The following ATG5 variants were observed in gnomAD, a reference collection of about 807,000 sequenced individuals.
The protein encoded by ATG5 is autophagy related 5.
In ATG5, 14 loss-of-function variants were observed where a neutral mutation model predicts 36.5. The observed-to-expected ratio is 0.38, with a 90% confidence interval of 0.25 to 0.60. ATG5 has a LOEUF of 0.60. Among genes scored for constraint, ATG5 ranks in the 20% least tolerant of loss-of-function variants. ATG5 has a pLI of 0.60. For missense variants in ATG5, 195 were observed against 326.7 expected, an observed-to-expected ratio of 0.60 and a Z score of 3.11; for synonymous variants, 95 against 101.5, an observed-to-expected ratio of 0.94 and a Z score of 0.38.
At position 106,186,392 on chromosome 6, in the gene ATG5, C is replaced by T. The variant is rs977759554; in HGVS notation, c.*148G>A. 3 of 926,156 alleles carry T rather than the reference C, an allele frequency of 3.2e-6. No homozygotes were observed. The highest frequency in any genetic ancestry group is 4.8e-6 in the Non-Finnish European group (3 of 620,916). 57.4% of individuals were successfully genotyped at this position (926,156 alleles called of 1,614,324 possible). On this transcript the variant is annotated 3_prime_UTR_variant, in exon 8 of 8. Transcript: ENST00000369076. ...AGTAAGACCAGCCCAGTTGCCTTATCTGACATGGAATCTTTTTCCTGTCTG... is the reference window on the plus strand; with the variant it reads ...AGTAAGACCAGCCCAGTTGCCTTATTTGACATGGAATCTTTTTCCTGTCTG...
chr6:106,203,945 G>A (rs1042981430), intron 6 of ATG5, among the ~76,000 whole-genome samples: 1 of 152,262 alleles, frequency 6.6e-6, no homozygotes, highest in Admixed American at 6.5e-5. Flanking sequence ...GATGAAGCTG[G>A]AAACTATCAT....
intron 7 of ATG5, among the ~76,000 whole-genome samples, chr6:106,189,560 A>G (rs1775894456): frequency 6.6e-6 from 1 of 152,020 alleles, no homozygotes; most frequent in Non-Finnish European, 1.5e-5. Context: ...GGTCAAGGCT[A>G]CAGTGAGCCG....
chr6:106,202,864 T>C (rs192580662), intron 6 of ATG5, among the ~76,000 whole-genome samples: 4 of 152,266 alleles, frequency 2.6e-5, no homozygotes, highest in Admixed American at 1.3e-4. Flanking sequence ...GGTTTCACCA[T>C]GTTGCCCAGG....
At chr6:106,320,665 G>C (rs980853258) in intron 1 of ATG5, among the ~76,000 whole-genome samples, 1 of 151,224 alleles carries the variant, frequency 6.6e-6, no homozygotes, top group African/African-American at 2.4e-5. Flanking sequence ...TACAATAATG[G>C]ACACATGGTA....
At chr6:106,280,260 T>A (rs1582647209) in intron 4 of ATG5, among the ~76,000 whole-genome samples, 2 of 133,382 alleles carry the variant, frequency 1.5e-5, no homozygotes, top group African/African-American at 2.8e-5. Flanking sequence ...CTAAGAGAAA[T>A]GAAAGTATTA....
chr6:106,293,260 T>C (rs1474831733), intron 3 of ATG5, among the ~76,000 whole-genome samples, 154 bp from the exon 4 acceptor site: 1 of 152,212 alleles, frequency 6.6e-6, no homozygotes, highest in Non-Finnish European at 1.5e-5. Flanking sequence ...GTGCCTAGGC[T>C]AGTATGATCT....
intron 3 of ATG5, among the ~76,000 whole-genome samples, chr6:106,306,232 G>C (rs1386589700): frequency 6.6e-6 from 1 of 152,130 alleles, no homozygotes; most frequent in Non-Finnish European, 1.5e-5. Flanking sequence ...GTTTTGCAGT[G>C]ACAAGGAGAA....
chr6:106,231,793 T>A (rs1777703478), intron 6 of ATG5, among the ~76,000 whole-genome samples: 1 of 152,042 alleles, frequency 6.6e-6, no homozygotes, highest in Non-Finnish European at 1.5e-5. Context: ...ACCTCAGTTT[T>A]TTATAATAGA....
intron 6 of ATG5, among the ~76,000 whole-genome samples, chr6:106,232,616 G>C (rs1017288941): frequency 5.3e-5 from 8 of 152,016 alleles, no homozygotes; most frequent in African/African-American, 9.7e-5. Context: ...GGCTCAACAA[G>C]GACTCCAAAA....
At chr6:106,281,932 G>T (rs536958956) in intron 4 of ATG5, among the ~76,000 whole-genome samples, 1 of 152,162 alleles carries the variant, frequency 6.6e-6, no homozygotes, top group African/African-American at 2.4e-5. Flanking sequence ...TAAAGATGTT[G>T]AGTGCCTTTT....
intron 7 of ATG5, among the ~76,000 whole-genome samples, chr6:106,191,711 C>T (rs1298959996): frequency 6.6e-6 from 1 of 152,076 alleles, no homozygotes; most frequent in Non-Finnish European, 1.5e-5. Flanking sequence ...CTCTCTCCTG[C>T]TCACTCTCTA....
At chr6:106,303,297 C>G (rs763962789) in intron 3 of ATG5, among the ~76,000 whole-genome samples, 13 of 152,006 alleles carry the variant, frequency 8.6e-5, no homozygotes, top group Non-Finnish European at 1.5e-4. Flanking sequence ...ACTCTATGTT[C>G]ATAAATTAAC....
At chr6:106,214,122 T>C (rs1776950751) in intron 6 of ATG5, among the ~76,000 whole-genome samples, 1 of 152,220 alleles carries the variant, frequency 6.6e-6, no homozygotes, top group Admixed American at 6.5e-5. Context: ...GTCCCATGCA[T>C]ATTTGGCTTA....
chr6:106,301,662 T>C (rs1373136168), intron 3 of ATG5, among the ~76,000 whole-genome samples: 1 of 152,024 alleles, frequency 6.6e-6, no homozygotes, highest in Non-Finnish European at 1.5e-5. Context: ...AACACTGACA[T>C]GATGCTCAAA....
chr6:106,253,974 C>A (rs1262822102), intron 5 of ATG5, among the ~76,000 whole-genome samples: 3 of 152,094 alleles, frequency 2.0e-5, no homozygotes, highest in Non-Finnish European at 2.9e-5. Flanking sequence ...CCCATTCCAC[C>A]CCCTTGGAAA....
At chr6:106,265,994 T>A (rs557294763) in intron 5 of ATG5, among the ~76,000 whole-genome samples, 1 of 147,558 alleles carries the variant, frequency 6.8e-6, no homozygotes, top group African/African-American at 2.5e-5. Context: ...ATAATTAAGA[T>A]CAGAGCAGAA....
At chr6:106,238,482 A>G (rs1388992780) in intron 6 of ATG5, among the ~76,000 whole-genome samples, 1 of 152,186 alleles carries the variant, frequency 6.6e-6, no homozygotes, top group South Asian at 2.1e-4. Context: ...CCTTTCCTCC[A>G]AATTCCATCT....
chr6:106,193,838 T>C (rs761697434), intron 7 of ATG5, among the ~76,000 whole-genome samples: 1 of 152,208 alleles, frequency 6.6e-6, no homozygotes, highest in Non-Finnish European at 1.5e-5. Flanking sequence ...AGCCCCATAG[T>C]ACCTGTTTCA....
At chr6:106,301,048 C>T (rs1770186840) in intron 3 of ATG5, among the ~76,000 whole-genome samples, 1 of 152,164 alleles carries the variant, frequency 6.6e-6, no homozygotes, top group South Asian at 2.1e-4. Flanking sequence ...GGTCTCTTAA[C>T]ATAATTCTAA....
Sources: allele counts gnomAD v4.1 joint callset (sites outside exome capture counted in the v4.1 genomes callset), GRCh38; gene constraint gnomAD v4.1.1; transcripts MANE v1.5; gene names NCBI Gene and HGNC (gene_info 2026-07-23, HGNC 2026-07-21).